Variants in ODAD4 observed in about 807,000 individuals in gnomAD.
The protein encoded by ODAD4 is outer dynein arm docking complex subunit 4.
ODAD4 carries 49 observed loss-of-function variants against 51.8 expected under a neutral mutation model. The ratio of observed to expected loss-of-function variants is 0.95; its 90% CI spans 0.75 to 1.20. The LOEUF is 1.20. Ranked by LOEUF, ODAD4 falls within the 50% of genes most tolerant of loss-of-function variation. ODAD4 has a pLI of 0.00. For synonymous variants in ODAD4, 235 were observed against 221.3 expected, an observed-to-expected ratio of 1.06 and a Z score of -0.55; for missense variants, 590 against 586.5, an observed-to-expected ratio of 1.01 and a Z score of -0.06.
Position 41,965,234 on chromosome 17 carries a change from C to T in ODAD4, c.1770C>T (p.Gly590=), listed in dbSNP as rs2144550511. Residue 590 remains glycine, a synonymous_variant, in exon 12 of 12, where the codon GGC becomes GGT. Transcript: ENST00000377540. ...CCAAGGGCCTGTCAGGAGAATTAGG[C>T]ACAAGATCAGGAGAAACAGGCAGGA... ...AVAKGLSGEL[G]TRSGETGRKL... The T allele has an allele frequency of 3.9e-6, 3 of 776,188 alleles. No homozygotes were observed. The South Asian group carries it at 4.1e-5, about 11-fold the overall frequency. 48.1% of individuals were successfully genotyped at this position (776,188 alleles called of 1,614,324 possible).
At chr17:41,950,385 CTTT>C (rs1157988532) in intron 9 of ODAD4, among the ~76,000 whole-genome samples, 1 of 138,486 alleles carries the variant, frequency 7.2e-6, no homozygotes, top group Non-Finnish European at 1.6e-5. Flanking sequence ...ATGAGGGAAG[CTTT>C]TTTTTTTTTT....
chr17:41,932,576 G>A (rs917769064), intron 1 of ODAD4, among the ~76,000 whole-genome samples: 27 of 151,806 alleles, frequency 1.8e-4, no homozygotes, highest in African/African-American at 5.3e-4. Context: ...ACAGGATCTC[G>A]TTCTGTCTCC....
chr17:41,956,047 CTTT>C (rs71357524), intron 10 of ODAD4, among the ~76,000 whole-genome samples: 1 of 124,928 alleles, frequency 8.0e-6, no homozygotes, highest in Admixed American at 8.3e-5. Flanking sequence ...CTGTACTTAG[CTTT>C]TTTTTTTTTT....
rs368986165 is a variant in ODAD4 at position 41,945,553 on chromosome 17, C to T, written c.1145+331C>T. ...GTGAATCTGTACAGGTCTGCAGCAA[C>T]CTCAATTCTTGCCTCCTCAGAAGAA... On this transcript the variant is annotated intron_variant, in intron 8 of 11. Coordinates refer to ENST00000377540, the MANE Select transcript of ODAD4 (RefSeq NM_031421.5). Among the ~76,000 whole-genome samples the T allele has an allele frequency of 4.6e-5, 7 of 152,072 alleles. No homozygotes were observed. The South Asian group carries it at 8.3e-4, about 18-fold the overall frequency.
intron 4 of ODAD4, 111 bp from the exon 5 acceptor site, chr17:41,936,651 C>A: frequency 1.3e-6 from 2 of 1,532,986 alleles, no homozygotes; most frequent in Non-Finnish European, 1.8e-6. Context: ...ACTCTTGGCC[C>A]ACAGAAAGGT....
At chr17:41,935,536 C>T (rs1020413558) in intron 2 of ODAD4, 63 bp from the exon 3 acceptor site, 49 of 1,560,548 alleles carry the variant, frequency 3.1e-5, no homozygotes, top group Admixed American at 2.3e-4. Context: ...CCTTCTGTTC[C>T]ACCACATGTG....
chr17:41,948,251 T>G (rs970374482), intron 8 of ODAD4, among the ~76,000 whole-genome samples: 1 of 152,016 alleles, frequency 6.6e-6, no homozygotes, highest in African/African-American at 2.4e-5. Context: ...TGATACTGTG[T>G]TTTTTCATTC....
At chr17:41,939,243 G>C in intron 7 of ODAD4, 71 bp downstream of exon 7, 6 of 1,431,712 alleles carry the variant, frequency 4.2e-6, no homozygotes, top group Non-Finnish European at 5.6e-6. Context: ...TGAGGCCCTT[G>C]CCAGGGCTGC....
intron 8 of ODAD4, 90 bp downstream of exon 8, chr17:41,945,312 G>A: frequency 1.1e-6 from 1 of 875,092 alleles, no homozygotes; most frequent in Non-Finnish European, 1.7e-6. Flanking sequence ...TAAGAATCCA[G>A]CCTGGGCAAC....
chr17:41,949,214 A>C lies in ODAD4; in HGVS notation c.1207A>C (p.Ile403Leu). The stretch of plus-strand genomic sequence containing the variant: ...GGAGAAGACCTGGCTGTTCCACGAG[A>C]TCGGCCGCTGCTACTTGGAGCTGGA... ...TLEKTWLFHE[I>L]GRCYLELDQA... The change falls in exon 9 of 12, where the codon ATC becomes CTC. Residue 403 changes from isoleucine to leucine, a missense_variant. Ile to Leu is a conservative substitution (Grantham distance 5). Coordinates refer to ENST00000377540, the MANE Select transcript of ODAD4 (RefSeq NM_031421.5). 2.5e-6 allele frequency: 1 copy of C among 398,526 alleles called. No individual in the cohort carries two copies. The highest frequency in any genetic ancestry group is 4.4e-6 in the Non-Finnish European group (1 of 226,082). 24.7% of individuals were successfully genotyped at this position (398,526 alleles called of 1,614,324 possible). A position where few individuals can be genotyped will look rare whatever the true frequency, so the allele number is the denominator to read the frequency against.
chr17:41,951,961 G>A (rs1341867511), intron 9 of ODAD4, among the ~76,000 whole-genome samples: 7 of 150,554 alleles, frequency 4.6e-5, no homozygotes, highest in South Asian at 2.1e-4. Context: ...ACTTTGGGAA[G>A]CCAAGGTGGG....
At chr17:41,938,814 C>T in intron 6 of ODAD4, 33 bp downstream of exon 6, 1 of 1,603,050 alleles carries the variant, frequency 6.2e-7, no homozygotes, top group Non-Finnish European at 8.5e-7. Context: ...GGGGCAGGTG[C>T]CTCCAGTGCC....
chr17:41,945,071 C>A (rs537474991), intron 7 of ODAD4, 65 bp from the exon 8 acceptor site: 944 of 1,335,672 alleles, frequency 7.1e-4, no homozygotes, highest in Non-Finnish European at 8.9e-4. Flanking sequence ...GCCTTCTTTC[C>A]TATTTCCACA....
At chr17:41,949,408 G>A (rs1395695376) in intron 9 of ODAD4, 59 bp downstream of exon 9, 11 of 398,074 alleles carry the variant, frequency 2.8e-5, no homozygotes, top group Non-Finnish European at 3.5e-5. Flanking sequence ...GCTCACACCA[G>A]GGCTAGGAGT....
At chr17:41,962,957 T>G (rs1345740029) in intron 11 of ODAD4, among the ~76,000 whole-genome samples, 1 of 152,206 alleles carries the variant, frequency 6.6e-6, no homozygotes, top group Non-Finnish European at 1.5e-5. Context: ...ATCCAGCACC[T>G]GCTCTGTGGT....
chr17:41,943,387 G>A (rs1192827854), intron 7 of ODAD4, among the ~76,000 whole-genome samples: 5 of 152,298 alleles, frequency 3.3e-5, no homozygotes, highest in African/African-American at 1.2e-4. Context: ...GGCTTTGTGT[G>A]AGCAACAAGG....
intron 1 of ODAD4, 34 bp downstream of exon 1, chr17:41,930,871 T>TC (rs1176381829): frequency 2.7e-6 from 1 of 376,134 alleles, no homozygotes; most frequent in African/African-American, 2.8e-5. Flanking sequence ...CATCACCCCA[T>TC]CACCCGTCAC....
intron 1 of ODAD4, among the ~76,000 whole-genome samples, chr17:41,933,226 C>T (rs199655381): frequency 6.6e-6 from 1 of 152,060 alleles, no homozygotes; most frequent in East Asian, 1.9e-4. Flanking sequence ...ACAGTAGCTA[C>T]TTCCTCTTCT....
In ODAD4 at chr17:41,935,668, C is replaced by G; in HGVS notation, c.316C>G (p.Arg106Gly). 2 of 1,613,616 alleles carry G rather than the reference C, an allele frequency of 1.2e-6. No homozygotes were observed. The highest frequency in any genetic ancestry group is 1.7e-6 in the Non-Finnish European group (2 of 1,179,742). ...DFEFALVFYH[R>G]GYKLRPDREF... ...TGAGTTTGCCTTGGTATTCTATCAT[C>G]GAGGCTACAAGCTGAGGCCTGATCG... is the stretch of plus-strand genomic sequence containing the variant. The change falls in exon 3 of 12, where the codon CGA (arginine) becomes GGA (glycine). Residue 106 changes from arginine (R) to glycine (G), a missense_variant. Physicochemically the swap from Arg to Gly is moderately radical, Grantham distance 125. This residue lies in a region of ODAD4 where 360 missense variants were observed against 407.5 expected (regional missense o/e 0.88). Coordinates refer to ENST00000377540, the MANE Select transcript of ODAD4 (RefSeq NM_031421.5).
Sources: gnomAD v4.1 joint callset for allele counts (sites outside exome capture counted in the v4.1 genomes callset) on GRCh38, gnomAD v4.1.1 for gene constraint, gnomAD v4.1.1 regional missense constraint, MANE v1.5 for transcripts, NCBI Gene and HGNC (gene_info 2026-07-23, HGNC 2026-07-21) for gene names.